Variants in TSPAN7 observed in about 807,000 individuals in gnomAD.
The protein encoded by TSPAN7 is tetraspanin-7.
In TSPAN7, 1 loss-of-function variant was observed where a neutral mutation model predicts 17.6. The observed-to-expected ratio is 0.06, with a 90% CI of 0.02 to 0.27. The LOEUF (loss-of-function observed/expected upper bound fraction) is 0.27. TSPAN7 is among the 10% of genes least tolerant of loss of function. The probability of loss-of-function intolerance (pLI) is 1.00; values close to 1 mark genes in which losing one functional copy is unlikely to be tolerated. For missense variants in TSPAN7, 112 were observed against 201.7 expected, an observed-to-expected ratio of 0.56 and a Z score of 2.69; for synonymous variants, 78 against 79.0, an observed-to-expected ratio of 0.99 and a Z score of 0.07.
intron 1 of TSPAN7, among the ~76,000 whole-genome samples, chrX:38,586,491 A>G (rs2069259162): frequency 1.8e-5 from 2 of 112,424 alleles, no homozygotes; most frequent in South Asian, 3.7e-4. Context: ...TGTCCCACAC[A>G]GGGGCTTATT....
chrX:38,675,822 C>T lies in TSPAN7; in HGVS notation c.559C>T (p.His187Tyr), dbSNP rs765442747. ...NETDCNPQDL[H>Y]NLTVAATKVN... ...AACTGATTGTAATCCCCAGGATCTACACAATCTGACTGTGGCCGCCACCAA... is the reference window on the plus strand; with the variant it reads ...AACTGATTGTAATCCCCAGGATCTATACAATCTGACTGTGGCCGCCACCAA... Residue 187 changes from histidine (H) to tyrosine (Y), a missense_variant, in exon 5 of 8, where the codon CAC becomes TAC. Coordinates refer to ENST00000378482, the MANE Select transcript of TSPAN7 (RefSeq NM_004615.4). The T allele has an allele frequency of 4.1e-6, 5 of 1,209,934 alleles. No individual in the cohort carries two copies. The African/African-American group carries it at 5.2e-5, about 13-fold the overall frequency.
chrX:38,585,257 T>C (rs1052507195), intron 1 of TSPAN7, among the ~76,000 whole-genome samples: 1 of 112,112 alleles, frequency 8.9e-6, no homozygotes, highest in African/African-American at 3.2e-5. Context: ...ATATTGGTGA[T>C]AATTCTAGTT....
intron 1 of TSPAN7, among the ~76,000 whole-genome samples, chrX:38,658,511 G>A (rs1217994484): frequency 9.0e-6 from 1 of 111,576 alleles, no homozygotes; most frequent in African/African-American, 3.3e-5. Context: ...AGGAGAAAAT[G>A]TCTCTTTCTT....
intron 1 of TSPAN7, among the ~76,000 whole-genome samples, chrX:38,624,587 A>T (rs753942630): frequency 8.9e-6 from 1 of 112,672 alleles, no homozygotes. Flanking sequence ...GCTAAGAAAC[A>T]TTGCCTAGAA....
At chrX:38,641,859 C>T (rs900754685) in intron 1 of TSPAN7, among the ~76,000 whole-genome samples, 2 of 111,684 alleles carry the variant, frequency 1.8e-5, no homozygotes, top group Non-Finnish European at 1.9e-5. Context: ...GGAATTTCCT[C>T]CTTCTAGTCT....
intron 1 of TSPAN7, among the ~76,000 whole-genome samples, chrX:38,592,179 C>T (rs1239400034): frequency 9.0e-6 from 1 of 111,556 alleles, no homozygotes; most frequent in Non-Finnish European, 1.9e-5. Context: ...CTGTCAGGCC[C>T]CTCCCACAAC....
intron 1 of TSPAN7, among the ~76,000 whole-genome samples, chrX:38,627,068 C>T (rs780758848): frequency 1.6e-4 from 18 of 112,097 alleles, no homozygotes; most frequent in South Asian, 7.5e-4. Context: ...CTGCTTGAGT[C>T]GCCTTTGCTA....
intron 1 of TSPAN7, among the ~76,000 whole-genome samples, chrX:38,643,967 C>CA (rs987438860): frequency 1.8e-5 from 2 of 112,199 alleles, no homozygotes; most frequent in African/African-American, 6.5e-5. Context: ...AAAAGACCAA[C>CA]AAGGTAAATC....
rs754201384 is a variant in TSPAN7, at chrX:38,658,668, A to G, written c.82-7453A>G. ...AGCCTTAGTCCTTGAACTTCCCACC[A>G]TCTTCTGCTTCTGTTTCCCAAGATT... On this transcript the variant is annotated intron_variant, in intron 1 of 7. Transcript: ENST00000378482. 6.9e-4 allele frequency among the ~76,000 whole-genome samples: 76 copies of G among 110,510 alleles called. 1 individual carries two copies. Among genetic ancestry groups the G allele is most frequent in the South Asian group, 2.3e-3 (6 of 2,565 alleles).
At chrX:38,651,298 T>A (rs921102332) in intron 1 of TSPAN7, among the ~76,000 whole-genome samples, 2 of 110,270 alleles carry the variant, frequency 1.8e-5, no homozygotes, top group Non-Finnish European at 3.8e-5. Context: ...ACTCCGTCTC[T>A]ACTAAAAATA....
At chrX:38,650,987 A>C (rs2069672460) in intron 1 of TSPAN7, among the ~76,000 whole-genome samples, 1 of 109,280 alleles carries the variant, frequency 9.2e-6, no homozygotes, top group Admixed American at 9.8e-5. Flanking sequence ...TGTGTCCTTG[A>C]TGAGAGCTAT....
chrX:38,612,390 A>G (rs1304982591), intron 1 of TSPAN7: 2 of 111,574 alleles, frequency 1.8e-5, no homozygotes, highest in African/African-American at 6.5e-5. Flanking sequence ...ACGCCAGGAA[A>G]AGCAAAACAG....
chrX:38,563,076 A>C, intron 1 of TSPAN7: 2 of 971,512 alleles, frequency 2.1e-6, no homozygotes, highest in Non-Finnish European at 2.6e-6. Context: ...AGGATCAAAA[A>C]TATTCCTAAT....
intron 1 of TSPAN7, among the ~76,000 whole-genome samples, chrX:38,601,706 C>T (rs1244071878): frequency 8.9e-6 from 1 of 111,780 alleles, no homozygotes; most frequent in African/African-American, 3.3e-5. Context: ...GTATAAAAAT[C>T]CATCCCCAAA....
At chrX:38,639,547 T>C (rs926918861) in intron 1 of TSPAN7, among the ~76,000 whole-genome samples, 2 of 103,241 alleles carry the variant, frequency 1.9e-5, no homozygotes, top group African/African-American at 7.1e-5. Context: ...AAATCTTTTT[T>C]TGCTTTTCCT....
chrX:38,675,565 A>G, intron 4 of TSPAN7, 140 bp from the exon 5 acceptor site: 1 of 677,639 alleles, frequency 1.5e-6, no homozygotes, highest in Non-Finnish European at 2.3e-6. Flanking sequence ...TGGAGCTTCC[A>G]TTCATCTTGA....
chrX:38,593,453 G>A (rs1378166794), intron 1 of TSPAN7, among the ~76,000 whole-genome samples: 1 of 111,431 alleles, frequency 9.0e-6, no homozygotes, highest in Non-Finnish European at 1.9e-5. Flanking sequence ...CAACAGCTAG[G>A]AAATATACTT....
intron 1 of TSPAN7, among the ~76,000 whole-genome samples, chrX:38,653,236 C>T (rs1013328331): frequency 2.7e-5 from 3 of 109,328 alleles, no homozygotes; most frequent in African/African-American, 9.8e-5. Context: ...GTTTATCACA[C>T]ACATACATGG....
At chrX:38,634,534 C>T (rs1275387758) in intron 1 of TSPAN7, among the ~76,000 whole-genome samples, 1 of 111,820 alleles carries the variant, frequency 8.9e-6, no homozygotes, top group Non-Finnish European at 1.9e-5. Flanking sequence ...TGTGTTTCAC[C>T]CCACAGATCT....
Sources: gnomAD v4.1 joint callset for allele counts (sites outside exome capture counted in the v4.1 genomes callset) on GRCh38, gnomAD v4.1.1 for gene constraint, MANE v1.5 for transcripts, NCBI Gene and HGNC (gene_info 2026-07-23, HGNC 2026-07-21) for gene names.